Variants in CSMD1 observed in about 807,000 individuals in gnomAD.
CSMD1 encodes the protein CUB and sushi domain-containing protein 1.
Under a neutral mutation model 417.5 loss-of-function variants are expected in CSMD1, and 213 were observed. The ratio of observed to expected loss-of-function variants is 0.51; its 90% CI spans 0.46 to 0.57. The LOEUF (loss-of-function observed/expected upper bound fraction) is 0.57. Among genes scored for constraint, CSMD1 ranks in the 20% least tolerant of loss-of-function variants. The pLI, the probability that CSMD1 is intolerant of heterozygous loss-of-function variation, is 0.00. For missense variants in CSMD1, 6,923 were observed against 4,529.7 expected, an observed-to-expected ratio of 1.53 and a Z score of -15.17; for synonymous variants, 2,862 against 1,736.8, an observed-to-expected ratio of 1.65 and a Z score of -16.11.
intron 5 of CSMD1, among the ~76,000 whole-genome samples, chr8:3,966,753 ACGCG>A (rs58896410): frequency 0.24 from 35,922 of 150,200 alleles, 4,322 homozygotes; most frequent in East Asian, 0.35. Context: ...ACACACACAC[ACGCG>A]CGCGCGCGCA....
chr8:2,965,679 A>G (rs773170241), intron 59 of CSMD1, 96 bp downstream of exon 59: 18 of 1,038,322 alleles, frequency 1.7e-5, no homozygotes, highest in Non-Finnish European at 2.5e-5. Flanking sequence ...CCTAGCCCCT[A>G]GAAGGGCTAC....
intron 5 of CSMD1, among the ~76,000 whole-genome samples, chr8:3,977,946 T>C (rs1030033457): frequency 1.3e-5 from 2 of 152,206 alleles, no homozygotes; most frequent in Non-Finnish European, 2.9e-5. Context: ...AGAGGTCATG[T>C]GCACGGCTGC....
rs148698380 is a variant in CSMD1, at chr8:3,653,142, A to C, written c.1010-36345T>G. Among the ~76,000 whole-genome samples the C allele has an allele frequency of 3.9e-5, 6 of 152,014 alleles. No homozygotes were observed. In the East Asian group the frequency reaches 1.2e-3, roughly 29 times the overall value. Reference sequence around the variant, plus strand: ...ATTAATTGAAAGCCCTATAAATTCAAATTTTTTCAAGTTGCATATATTTTT... The same window carrying C: ...ATTAATTGAAAGCCCTATAAATTCACATTTTTTCAAGTTGCATATATTTTT... On this transcript the variant is annotated intron_variant, in intron 7 of 69. Coordinates refer to ENST00000635120, the MANE Select transcript of CSMD1 (RefSeq NM_033225.6).
chr8:4,644,287 G>T (rs1328123692), intron 1 of CSMD1, among the ~76,000 whole-genome samples: 1 of 152,164 alleles, frequency 6.6e-6, no homozygotes, highest in Non-Finnish European at 1.5e-5. Flanking sequence ...CCAGCTACCC[G>T]AAATGAGCTT....
chr8:3,200,307 C>T (rs896275554), intron 32 of CSMD1, among the ~76,000 whole-genome samples: 3 of 152,096 alleles, frequency 2.0e-5, no homozygotes, highest in Admixed American at 2.0e-4. Context: ...GTAATCCCAG[C>T]ATTTTGGGAG....
In CSMD1 at chr8:3,230,146, G is replaced by A. The variant is rs771657335; in HGVS notation, c.4239C>T (p.Val1413=). 1 of 1,613,714 alleles carries A rather than the reference G, an allele frequency of 6.2e-7. No individual in the cohort carries two copies. Among genetic ancestry groups the A allele is most frequent in the Non-Finnish European group, 8.5e-7 (1 of 1,179,738 alleles). ...YGDSREAGDT[V]TFQCDPGYQL... ...GATAGCCAGGGTCACACTGGAATGTGACGGTGTCTCCAGCCTCTCTGCTGT... is the reference window on the plus strand; with the variant it reads ...GATAGCCAGGGTCACACTGGAATGTAACGGTGTCTCCAGCCTCTCTGCTGT... The change falls in exon 27 of 70, where the codon GTC becomes GTT. Residue 1413 remains valine (V), a synonymous_variant. Transcript: ENST00000635120.
chr8:3,299,897 G>A (rs1249984967), intron 25 of CSMD1, among the ~76,000 whole-genome samples: 1 of 152,148 alleles, frequency 6.6e-6, no homozygotes, highest in Non-Finnish European at 1.5e-5. Context: ...ACTGCTGGTG[G>A]TATATCTACT....
At chr8:3,535,298 C>G (rs950177682) in intron 10 of CSMD1, among the ~76,000 whole-genome samples, 1 of 152,214 alleles carries the variant, frequency 6.6e-6, no homozygotes, top group East Asian at 1.9e-4. Context: ...GTTATTCAAG[C>G]TTTTGGCCGT....
At chr8:3,396,696 G>A (rs931010453) in intron 16 of CSMD1, among the ~76,000 whole-genome samples, 1 of 151,816 alleles carries the variant, frequency 6.6e-6, no homozygotes, top group Non-Finnish European at 1.5e-5. Flanking sequence ...TAGATTGATA[G>A]ATAGATAGAT....
At chr8:4,376,974 C>T (rs1401244177) in intron 3 of CSMD1, among the ~76,000 whole-genome samples, 1 of 152,182 alleles carries the variant, frequency 6.6e-6, no homozygotes, top group African/African-American at 2.4e-5. Context: ...AGGTGCTGAG[C>T]ACCAGCATGG....
intron 5 of CSMD1, among the ~76,000 whole-genome samples, chr8:3,942,394 A>C (rs1213946975): frequency 4.6e-5 from 7 of 152,144 alleles, no homozygotes; most frequent in Non-Finnish European, 8.8e-5. Context: ...ACCTTTTCTC[A>C]AAGTGACACT....
intron 2 of CSMD1, among the ~76,000 whole-genome samples, chr8:4,633,440 G>A (rs1487762432): frequency 6.6e-6 from 1 of 151,806 alleles, no homozygotes; most frequent in African/African-American, 2.4e-5. Context: ...TAGTAGAGAT[G>A]GGGTTTCACC....
intron 54 of CSMD1, among the ~76,000 whole-genome samples, chr8:2,989,615 C>G (rs1261439998): frequency 6.6e-6 from 1 of 152,146 alleles, no homozygotes; most frequent in African/African-American, 2.4e-5. Context: ...TTTGTTTAAG[C>G]TGTGCAACAG....
intron 52 of CSMD1, among the ~76,000 whole-genome samples, chr8:3,013,412 T>C (rs1743812904): frequency 6.6e-6 from 1 of 152,132 alleles, no homozygotes; most frequent in African/African-American, 2.4e-5. Context: ...TATTTGAAAA[T>C]AGTTATGAAT....
At chr8:4,098,647 G>A (rs999207391) in intron 3 of CSMD1, among the ~76,000 whole-genome samples, 5 of 152,086 alleles carry the variant, frequency 3.3e-5, no homozygotes, top group Admixed American at 2.6e-4. Context: ...CTACGTATTG[G>A]TGGTTTTTAA....
At chr8:4,368,567 A>G (rs888637135) in intron 3 of CSMD1, among the ~76,000 whole-genome samples, 14 of 152,080 alleles carry the variant, frequency 9.2e-5, no homozygotes, top group African/African-American at 3.4e-4. Context: ...TTTTTTGTAC[A>G]TCTGGTAAAA....
chr8:4,150,225 G>A (rs376778980), intron 3 of CSMD1, among the ~76,000 whole-genome samples: 6 of 152,116 alleles, frequency 3.9e-5, no homozygotes, highest in Non-Finnish European at 5.9e-5. Flanking sequence ...GGAAAACAGG[G>A]CCATTTTTCC....
At chr8:4,383,936 A>G (rs1803272452) in intron 3 of CSMD1, among the ~76,000 whole-genome samples, 3 of 152,220 alleles carry the variant, frequency 2.0e-5, no homozygotes, top group Admixed American at 6.5e-5. Context: ...GTGAAGAAAA[A>G]TGCGTTCTCT....
intron 3 of CSMD1, among the ~76,000 whole-genome samples, chr8:4,055,930 A>C (rs930255200): frequency 2.0e-5 from 3 of 152,144 alleles, no homozygotes; most frequent in Non-Finnish European, 4.4e-5. Flanking sequence ...TTAAACAAAA[A>C]TATGTAAATT....
Sources: gnomAD v4.1 joint callset for allele counts (sites outside exome capture counted in the v4.1 genomes callset) on GRCh38, gnomAD v4.1.1 for gene constraint, MANE v1.5 for transcripts, NCBI Gene and HGNC (gene_info 2026-07-23, HGNC 2026-07-21) for gene names.